ENTHD1: variants seen among roughly 807,000 people sequenced by gnomAD.
ENTHD1 encodes the protein ENTH domain containing 1.
A neutral mutation model predicts 39.1 loss-of-function variants in ENTHD1; 23 were observed. The ratio of observed to expected loss-of-function variants is 0.59; its 90% confidence interval spans 0.42 to 0.83. ENTHD1 has a LOEUF of 0.83. Among genes scored for constraint, ENTHD1 ranks in the 40% least tolerant of loss-of-function variants. The probability of loss-of-function intolerance (pLI) is 0.00; values close to 1 mark genes in which losing one functional copy is unlikely to be tolerated. For missense variants in ENTHD1, 624 were observed against 705.4 expected (o/e 0.88, Z 1.31); for synonymous variants, 230 against 258.2 (o/e 0.89, Z 1.05).
chr22:39,821,191 G>T (rs981097598), intron 4 of ENTHD1, 78 bp from the exon 5 acceptor site: 2 of 1,488,960 alleles, frequency 1.3e-6, no homozygotes, highest in Admixed American at 3.9e-5. Context: ...GAGCTACAAA[G>T]TATCTAAATG....
At chr22:39,770,072 A>G (rs1327979720) in intron 5 of ENTHD1, among the ~76,000 whole-genome samples, 1 of 152,140 alleles carries the variant, frequency 6.6e-6, no homozygotes, top group Non-Finnish European at 1.5e-5. Context: ...GTTGCTCGGA[A>G]AGTTAAATAT....
At chr22:39,784,781 G>A (rs1465627529) in intron 5 of ENTHD1, among the ~76,000 whole-genome samples, 3 of 152,144 alleles carry the variant, frequency 2.0e-5, no homozygotes, top group African/African-American at 7.2e-5. Context: ...GCTGGGAAGG[G>A]TGGAGTGGGG....
At chr22:39,754,229 T>C (rs555655604) in intron 6 of ENTHD1, among the ~76,000 whole-genome samples, 4 of 152,358 alleles carry the variant, frequency 2.6e-5, no homozygotes, top group African/African-American at 9.6e-5. Context: ...AAACAGGCAG[T>C]GAGCCAGATT....
chr22:39,783,737 C>CA (rs1005924064), intron 5 of ENTHD1, among the ~76,000 whole-genome samples: 9 of 152,032 alleles, frequency 5.9e-5, no homozygotes, highest in Non-Finnish European at 1.0e-4. Context: ...TCGCTATACA[C>CA]AAAAACCAAA....
intron 3 of ENTHD1, among the ~76,000 whole-genome samples, chr22:39,838,762 C>T (rs2065923896): frequency 6.6e-6 from 1 of 151,960 alleles, no homozygotes; most frequent in African/African-American, 2.4e-5. Context: ...AACCTTTGGT[C>T]AGAGAAAATT....
intron 5 of ENTHD1, among the ~76,000 whole-genome samples, chr22:39,817,432 G>A (rs953736852): frequency 2.0e-5 from 3 of 152,176 alleles, no homozygotes; most frequent in Non-Finnish European, 4.4e-5. Context: ...CCGAAGGATA[G>A]TCAAGTGATA....
At chr22:39,841,346 G>A (rs971757561) in intron 3 of ENTHD1, among the ~76,000 whole-genome samples, 4 of 152,150 alleles carry the variant, frequency 2.6e-5, no homozygotes, top group African/African-American at 9.7e-5. Context: ...ATTAGGGAGC[G>A]CTCTTAGAAA....
chr22:39,850,356 A>T (rs2066025171), intron 3 of ENTHD1, among the ~76,000 whole-genome samples: 1 of 152,124 alleles, frequency 6.6e-6, no homozygotes, highest in Non-Finnish European at 1.5e-5. Context: ...TTTGCCTGTT[A>T]TTAAGTAGCT....
chr22:39,845,322 C>T (rs1388324913), intron 3 of ENTHD1, among the ~76,000 whole-genome samples: 1 of 152,194 alleles, frequency 6.6e-6, no homozygotes, highest in East Asian at 1.9e-4. Context: ...GGTCATACAA[C>T]CAGTCAGGAT....
intron 5 of ENTHD1, among the ~76,000 whole-genome samples, chr22:39,790,147 G>T (rs1432974681): frequency 6.6e-6 from 1 of 152,164 alleles, no homozygotes; most frequent in Non-Finnish European, 1.5e-5. Context: ...AGATGTCCTT[G>T]TGTGAGATGA....
At chr22:39,858,902 T>C (rs2066117341) in intron 3 of ENTHD1, among the ~76,000 whole-genome samples, 1 of 152,224 alleles carries the variant, frequency 6.6e-6, no homozygotes. Flanking sequence ...CATTGACTTC[T>C]CCTCTCTAGC....
intron 2 of ENTHD1, among the ~76,000 whole-genome samples, chr22:39,870,401 T>A (rs2066232460): frequency 6.6e-6 from 1 of 151,982 alleles, no homozygotes; most frequent in South Asian, 2.1e-4. Flanking sequence ...AAGAACAGAT[T>A]ATAGGCCCTA....
At chr22:39,869,420 T>C (rs566481851) in intron 2 of ENTHD1, among the ~76,000 whole-genome samples, 68 of 152,136 alleles carry the variant, frequency 4.5e-4, no homozygotes, top group African/African-American at 1.6e-3. Flanking sequence ...AGCTAAACAT[T>C]GGGTACCCAT....
In ENTHD1 at chr22:39,872,495, C is replaced by A. The variant is rs192730312; in HGVS notation, c.350-10488G>T. Reference sequence around the variant, plus strand: ...ATGAGAATCTAAACTCAAAAAACAACCTCCCCCCACTGCCCAACAAAACCT... The same window carrying A: ...ATGAGAATCTAAACTCAAAAAACAAACTCCCCCCACTGCCCAACAAAACCT... On this transcript the variant is annotated intron_variant, in intron 2 of 6. Transcript: ENST00000325157. 1.4e-3 allele frequency among the ~76,000 whole-genome samples: 210 copies of A among 152,196 alleles called. 1 individual carries two copies. The highest frequency in any genetic ancestry group is 4.7e-3 in the African/African-American group (196 of 41,522).
chr22:39,788,593 G>A (rs1054234079), intron 5 of ENTHD1, among the ~76,000 whole-genome samples: 18 of 152,292 alleles, frequency 1.2e-4, no homozygotes, highest in Admixed American at 3.3e-4. Context: ...AAATGTAGTT[G>A]ATACAGCACT....
chr22:39,790,219 C>A (rs1205936180), intron 5 of ENTHD1, among the ~76,000 whole-genome samples: 1 of 152,110 alleles, frequency 6.6e-6, no homozygotes, highest in Non-Finnish European at 1.5e-5. Context: ...TTCATAAAAT[C>A]ACTTTGGCTT....
intron 5 of ENTHD1, among the ~76,000 whole-genome samples, chr22:39,810,718 T>A (rs1218578788): frequency 6.6e-6 from 1 of 152,210 alleles, no homozygotes; most frequent in African/African-American, 2.4e-5. Context: ...GATGGTACCA[T>A]GCATAGCTAT....
chr22:39,871,540 T>G (rs1005635927), intron 2 of ENTHD1, among the ~76,000 whole-genome samples: 1 of 152,234 alleles, frequency 6.6e-6, no homozygotes, highest in Non-Finnish European at 1.5e-5. Flanking sequence ...TTACCAGTGA[T>G]TTCATTTGAT....
intron 4 of ENTHD1, among the ~76,000 whole-genome samples, chr22:39,830,661 A>G (rs545076079): frequency 1.8e-4 from 27 of 152,340 alleles, no homozygotes; most frequent in African/African-American, 6.3e-4. Flanking sequence ...ACTGTCTATT[A>G]TTCATTCATT....
Sources: allele counts gnomAD v4.1 joint callset (sites outside exome capture counted in the v4.1 genomes callset), GRCh38; gene constraint gnomAD v4.1.1; transcripts MANE v1.5; gene names NCBI Gene and HGNC (gene_info 2026-07-23, HGNC 2026-07-21).